The following WDR90 variants were observed in gnomAD, a reference collection of about 807,000 sequenced individuals.
WDR90 encodes WD repeat-containing protein 90.
WDR90 carries 238 observed loss-of-function variants against 195.2 expected under a neutral mutation model. The ratio of observed to expected loss-of-function variants is 1.22; its 90% CI spans 1.10 to 1.36. The LOEUF (loss-of-function observed/expected upper bound fraction) is 1.36. Among genes scored for constraint, WDR90 ranks in the 40% most tolerant of loss-of-function variants. The pLI, the probability that WDR90 is intolerant of heterozygous loss-of-function variation, is 0.00. For missense variants in WDR90, 2,734 were observed against 2,439.5 expected (o/e 1.12, Z -2.54); for synonymous variants, 1,265 against 1,052.4 (o/e 1.20, Z -3.91).
chr16:661,562 G>A (rs2037914783), intron 30 of WDR90, 35 bp from the exon 31 acceptor site: 1 of 1,580,254 alleles, frequency 6.3e-7, no homozygotes, highest in Non-Finnish European at 8.6e-7. Flanking sequence ...GGCTGCATCT[G>A]TGCACCTGAC....
intron 40 of WDR90, 83 bp downstream of exon 40, chr16:667,072 C>G: frequency 5.7e-6 from 8 of 1,394,420 alleles, no homozygotes; most frequent in South Asian, 1.2e-5. Context: ...AGACAGGTGC[C>G]TCACCTGTGC....
In WDR90 at chr16:667,799, C is replaced by G; in HGVS notation, c.*210C>G. 2.9e-6 allele frequency: 2 copies of G among 701,400 alleles called. No homozygotes were observed. Among genetic ancestry groups the G allele is most frequent in the Non-Finnish European group, 5.0e-6 (2 of 401,746 alleles). The allele number at this position is 701,400 out of a possible 1,614,324, so 43.4% of individuals were successfully genotyped here. A position where few individuals can be genotyped will look rare whatever the true frequency, so the allele number is the denominator to read the frequency against. On this transcript the variant is annotated 3_prime_UTR_variant, in exon 41 of 41. Coordinates refer to ENST00000293879, the MANE Select transcript of WDR90 (RefSeq NM_145294.5). Reference sequence around the variant, plus strand: ...TTTGCCTAAGAAATCTTTAATGTTTCTATCTTGTAATAAACATGGGCATTT... The same window carrying G: ...TTTGCCTAAGAAATCTTTAATGTTTGTATCTTGTAATAAACATGGGCATTT...
rs370398791 is a variant in WDR90, at chr16:658,525, C to G, written c.2767C>G (p.Leu923Val). ...ATTTCCCAAGAGCACTGTGTTCCAGCTGCCCGGTGTCCACCCTGAGCCCTG... is the reference window on the plus strand; with the variant it reads ...ATTTCCCAAGAGCACTGTGTTCCAGGTGCCCGGTGTCCACCCTGAGCCCTG... ...DAVSGRIIRE[L>V]PGVHPEPCPS... The change falls in exon 23 of 41, where the codon CTG becomes GTG. Residue 923 changes from leucine to valine, a missense_variant and splice_region_variant. Physicochemically the swap from Leu to Val is conservative, Grantham distance 32. Coordinates refer to ENST00000293879, the MANE Select transcript of WDR90 (RefSeq NM_145294.5). The G allele has an allele frequency of 4.4e-6, 7 of 1,607,582 alleles. No individual in the cohort carries two copies. Among genetic ancestry groups the G allele is most frequent in the Non-Finnish European group, 6.0e-6 (7 of 1,176,162 alleles).
chr16:651,123 TC>T lies in WDR90; in HGVS notation c.668+21del. Reference sequence around the variant, plus strand: ...CGTCCGGTGAGTGGTTCTGCTTCTTTCGAGGGAGGCCTCGGTGGTGGGAGGG... The same window carrying T: ...CGTCCGGTGAGTGGTTCTGCTTCTTTGAGGGAGGCCTCGGTGGTGGGAGGG... On this transcript the variant is annotated intron_variant, in intron 6 of 40. Transcript: ENST00000293879. 6.6e-7 allele frequency: 1 copy of T among 1,524,358 alleles called. No homozygotes were observed. The allele number at this position is 1,524,358 out of a possible 1,614,324, so 94.4% of individuals were successfully genotyped here. A position where few individuals can be genotyped will look rare whatever the true frequency, so the allele number is the denominator to read the frequency against.
At chr16:657,688 C>T (rs1315424801) in intron 20 of WDR90, 74 bp from the exon 21 acceptor site, 15 of 1,442,992 alleles carry the variant, frequency 1.0e-5, no homozygotes, top group Middle Eastern at 2.5e-4. Flanking sequence ...GCAGGGGCGG[C>T]GGCCTCCTCG....
chr16:649,935 G>GC, intron 2 of WDR90, 56 bp from the exon 3 acceptor site: 1 of 1,602,118 alleles, frequency 6.2e-7, no homozygotes, highest in East Asian at 2.2e-5. Context: ...GGGCCCCCTC[G>GC]CCCCCGCTGC....
In WDR90 at chr16:651,974, GC is replaced by G. The variant is rs746362312; in HGVS notation, c.990del (p.Gly331AlafsTer5). ...GGCCTCTGACATCCACACGGCTGCT[GC>G]CGGCACCCACGTGTTGACTCACGAG... ...LEASDIHTAAAGTHVLTHESA... is the reference protein window; with the variant it reads ...LEASDIHTAAXGTHVLTHESA... On this transcript the variant is annotated frameshift_variant, in exon 9 of 41. Coordinates refer to ENST00000293879, the MANE Select transcript of WDR90 (RefSeq NM_145294.5). LOFTEE classifies it high-confidence loss of function. 7 of 1,607,266 alleles carry G rather than the reference GC, an allele frequency of 4.4e-6. No individual in the cohort carries two copies. In the South Asian group the frequency reaches 7.8e-5, roughly 18 times the overall value.
At position 650,658 on chromosome 16, in the gene WDR90, G is replaced by A. The variant is rs758080387; in HGVS notation, c.508G>A (p.Ala170Thr). ...CCATCTCAAGAGCATCAGGCTGTGC[G>A]CCAGCCTGCTGGTCAGGAACCTGTA... ...YGHLKSIRLC[A>T]SLLVRNLYTS... Residue 170 changes from alanine (A) to threonine (T), a missense_variant, in exon 5 of 41, where the codon GCC becomes ACC. Transcript: ENST00000293879. The A allele has an allele frequency of 3.7e-6, 6 of 1,612,520 alleles. No individual in the cohort carries two copies. The highest frequency in any genetic ancestry group is 1.3e-5 in the African/African-American group (1 of 74,918).
At chr16:653,837 C>T (rs2037693473) in intron 13 of WDR90, 34 bp downstream of exon 13, 12 of 1,611,600 alleles carry the variant, frequency 7.4e-6, no homozygotes, top group Non-Finnish European at 1.0e-5. Context: ...TGGGGTGGGG[C>T]TGTCCTGATG....
chr16:649,183 C>A (rs1456804107), upstream of WDR90: 2 of 423,368 alleles, frequency 4.7e-6, no homozygotes, highest in Non-Finnish European at 8.0e-6. Context: ...AGGGGGCTGC[C>A]TTGGGAGGCC....
chr16:659,943 G>A (rs1035884070), intron 26 of WDR90, 115 bp from the exon 27 acceptor site: 21 of 788,942 alleles, frequency 2.7e-5, no homozygotes, highest in Admixed American at 1.1e-4. Flanking sequence ...GTGCCCCGCC[G>A]TGCAGTTCTC....
In WDR90 at chr16:651,001, C is replaced by G. The variant is rs1393956975; in HGVS notation, c.566C>G (p.Ser189Cys). The G allele has an allele frequency of 1.2e-6, 2 of 1,613,160 alleles. No individual in the cohort carries two copies. Among genetic ancestry groups the G allele is most frequent in the Non-Finnish European group, 8.5e-7 (1 of 1,179,954 alleles). Reference sequence around the variant, plus strand: ...ACAACCCTGCTCCTTGTAGCCATCTCTGGGGCCCAGTGGGCAAAGCTGCCC... The same window carrying G: ...ACAACCCTGCTCCTTGTAGCCATCTGTGGGGCCCAGTGGGCAAAGCTGCCC... ...TSDLCFEPAI[S>C]GAQWAKLPVT... Residue 189 changes from serine (S) to cysteine (C), a missense_variant, in exon 6 of 41, where the codon TCT becomes TGT. By Grantham distance (112) the Ser-to-Cys change is moderately radical. Transcript: ENST00000293879.
In WDR90 at chr16:667,619, C is replaced by G; in HGVS notation, c.*30C>G. ...CAGCAGGGACTGTGGTGGTGGGCATCACGCCTGGTCATGCCAGGCACCTGG... is the reference window on the plus strand; with the variant it reads ...CAGCAGGGACTGTGGTGGTGGGCATGACGCCTGGTCATGCCAGGCACCTGG... On this transcript the variant is annotated 3_prime_UTR_variant, in exon 41 of 41. Coordinates refer to ENST00000293879, the MANE Select transcript of WDR90 (RefSeq NM_145294.5). 3 of 1,601,264 alleles carry G rather than the reference C, an allele frequency of 1.9e-6. No homozygotes were observed. The highest frequency in any genetic ancestry group is 2.5e-6 in the Non-Finnish European group (3 of 1,179,686).
At chr16:660,222 G>A in intron 27 of WDR90, 61 bp downstream of exon 27, 1 of 1,398,586 alleles carries the variant, frequency 7.2e-7, no homozygotes, top group South Asian at 1.4e-5. Context: ...CCCCCGCAGG[G>A]CTCCCCAGCA....
At chr16:654,601 T>C (rs1432904124) in intron 13 of WDR90, 2 of 163,244 alleles carry the variant, frequency 1.2e-5, no homozygotes, top group Admixed American at 5.8e-5. Flanking sequence ...TTAGCCAGGA[T>C]GGTCTCACGT....
Position 655,658 on chromosome 16 carries a change from C to A in WDR90, c.1804C>A (p.Arg602=), listed in dbSNP as rs201699835. Residue 602 remains arginine (R), a synonymous_variant, in exon 16 of 41, where the codon CGG becomes AGG. Coordinates refer to ENST00000293879, the MANE Select transcript of WDR90 (RefSeq NM_145294.5). The part of the protein sequence containing the change: ...VRHARRLLPT[R]TPGGPHPQKQ... ...GCATGCCCGCCGCCTGCTCCCCACA[C>A]GGACTCCAGGCGGTCCCCACCCACA... is the stretch of plus-strand genomic sequence containing the variant. 1 of 1,604,302 alleles carries A rather than the reference C, an allele frequency of 6.2e-7. No homozygotes were observed. The highest frequency in any genetic ancestry group is 1.1e-5 in the South Asian group (1 of 89,834).
chr16:664,293 A>G (rs897668749), intron 34 of WDR90, among the ~76,000 whole-genome samples: 1 of 152,096 alleles, frequency 6.6e-6, no homozygotes, highest in Non-Finnish European at 1.5e-5. Context: ...GGGTCTTCCC[A>G]TTCAGGATAT....
rs574554042 is a variant in WDR90 at position 653,675 on chromosome 16, G to A, written c.1379+5G>A. The A allele has an allele frequency of 1.2e-5, 19 of 1,613,360 alleles. No individual in the cohort carries two copies. The African/African-American group carries it at 1.2e-4, about 10-fold the overall frequency. ...GCACGTTGTCTGCTCTCTCAGGTGA[G>A]CACAGGTCTGCCCCATGCAGGGGGA... On this transcript the variant is annotated splice_donor_5th_base_variant and intron_variant, in intron 12 of 40. Transcript: ENST00000293879.
At chr16:652,286 T>C (rs2037663127) in intron 9 of WDR90, 181 bp from the exon 10 acceptor site, 10 of 825,160 alleles carry the variant, frequency 1.2e-5, no homozygotes, top group Admixed American at 2.9e-5. Context: ...CCCTCGAAGG[T>C]CTGGCAGTGC....
Sources: gnomAD v4.1 joint callset for allele counts (sites outside exome capture counted in the v4.1 genomes callset) on GRCh38, gnomAD v4.1.1 for gene constraint, MANE v1.5 for transcripts, NCBI Gene and HGNC (gene_info 2026-07-23, HGNC 2026-07-21) for gene names.